Variants in BABAM2 observed in about 807,000 individuals in gnomAD.
BABAM2 encodes BRISC and BRCA1-A complex member 2.
BABAM2 carries 31 observed loss-of-function variants against 54.7 expected under a neutral mutation model. The ratio of observed to expected loss-of-function variants is 0.57; its 90% CI spans 0.43 to 0.77. The LOEUF (loss-of-function observed/expected upper bound fraction) is 0.77, where lower values mean the gene tolerates loss of function less well. Among genes scored for constraint, BABAM2 ranks in the 30% least tolerant of loss-of-function variants. The probability of loss-of-function intolerance (pLI) is 0.00; values close to 1 mark genes in which losing one functional copy is unlikely to be tolerated. For missense variants in BABAM2, 364 were observed against 455.8 expected (o/e 0.80, Z 1.83); for synonymous variants, 167 against 162.9 (o/e 1.03, Z -0.19).
At chr2:27,981,792 G>A (rs907335222) in intron 3 of BABAM2, among the ~76,000 whole-genome samples, 8 of 152,032 alleles carry the variant, frequency 5.3e-5, no homozygotes, top group African/African-American at 1.2e-4. Flanking sequence ...ACTTTTTGGC[G>A]ATTGTGCATA....
chr2:27,953,569 G>A (rs1476962184), intron 3 of BABAM2, among the ~76,000 whole-genome samples: 1 of 151,558 alleles, frequency 6.6e-6, no homozygotes. Flanking sequence ...TGGGATTATA[G>A]GCATGAACCA....
At position 28,112,083 on chromosome 2, in the gene BABAM2, CTCTT is replaced by C. The variant is rs1194065542; in HGVS notation, c.571-17126_571-17123del. 1.7e-4 allele frequency among the ~76,000 whole-genome samples: 17 copies of C among 98,812 alleles called. 1 individual carries two copies. Among genetic ancestry groups the C allele is most frequent in the African/African-American group, 5.0e-4 (14 of 27,916 alleles). The allele number at this position is 98,812 out of a possible 152,430, so 64.8% of individuals were successfully genotyped here. A position where few individuals can be genotyped will look rare whatever the true frequency, so the allele number is the denominator to read the frequency against. On this transcript the variant is annotated intron_variant, in intron 6 of 11. Coordinates refer to ENST00000379624, the MANE Select transcript of BABAM2 (RefSeq NM_199191.3). ...ATACTTTTTCTTGAGATACCCATTA[CTCTT>C]TCTTTCTTTCTTTCTTTCTTTCTTT... is the stretch of plus-strand genomic sequence containing the variant.
At chr2:27,931,287 G>A (rs190926431) in intron 3 of BABAM2, among the ~76,000 whole-genome samples, 7 of 152,136 alleles carry the variant, frequency 4.6e-5, no homozygotes, top group Admixed American at 3.3e-4. Context: ...GGTTAAAAAC[G>A]TAAAAGTACT....
chr2:28,183,752 C>CAT (rs1675916357), intron 7 of BABAM2, among the ~76,000 whole-genome samples: 2 of 151,812 alleles, frequency 1.3e-5, no homozygotes, highest in Middle Eastern at 3.4e-3. Flanking sequence ...CACACACACA[C>CAT]ACACACACAC....
intron 11 of BABAM2, chr2:28,308,046 A>G (rs1688714865): frequency 6.2e-6 from 1 of 162,470 alleles, no homozygotes. Flanking sequence ...AATTCTTAGT[A>G]GGCCTCATAC....
At chr2:28,237,330 T>C (rs1400962622) in intron 8 of BABAM2, 29 bp downstream of exon 8, 2 of 1,578,142 alleles carry the variant, frequency 1.3e-6, no homozygotes, top group South Asian at 2.2e-5. Flanking sequence ...CTCATCCCTC[T>C]TATGAGATTT....
At chr2:27,908,012 T>C (rs1437039699) in intron 2 of BABAM2, among the ~76,000 whole-genome samples, 1 of 152,232 alleles carries the variant, frequency 6.6e-6, no homozygotes, top group Non-Finnish European at 1.5e-5. Flanking sequence ...GTCCCTGTTT[T>C]CAGTTTTTTG....
intron 11 of BABAM2, chr2:28,309,829 T>C: frequency 4.5e-6 from 2 of 446,220 alleles, no homozygotes; most frequent in Non-Finnish European, 4.1e-6. Flanking sequence ...CCAACATAGC[T>C]CGGGTGATCA....
In BABAM2 at chr2:27,988,001, A is replaced by G. The variant is rs926002077; in HGVS notation, c.214A>G (p.Ile72Val). 5 of 1,611,684 alleles carry G rather than the reference A, an allele frequency of 3.1e-6. No homozygotes were observed. The highest frequency in any genetic ancestry group is 2.2e-5 in the East Asian group (1 of 44,858). ...YAGETLKWDI[I>V]FNAQYPELPP... ...ATTTTCTTTTATTTCAGGGGATATCATTTTCAATGCCCAATACCCAGAACT... is the reference window on the plus strand; with the variant it reads ...ATTTTCTTTTATTTCAGGGGATATCGTTTTCAATGCCCAATACCCAGAACT... The change falls in exon 4 of 12, where the codon ATT becomes GTT. Residue 72 changes from isoleucine to valine, a missense_variant. Transcript: ENST00000379624.
chr2:28,241,193 G>T (rs1207749776), intron 8 of BABAM2, 130 bp from the exon 9 acceptor site: 1 of 814,820 alleles, frequency 1.2e-6, no homozygotes, highest in Non-Finnish European at 2.0e-6. Flanking sequence ...CACAGTTGTT[G>T]AATGTAGGTA....
intron 10 of BABAM2, among the ~76,000 whole-genome samples, chr2:28,289,718 A>G (rs1200407120): frequency 6.6e-6 from 1 of 152,096 alleles, no homozygotes; most frequent in Non-Finnish European, 1.5e-5. Context: ...TTGAAGCTGG[A>G]AGGCGGAGGT....
intron 8 of BABAM2, 49 bp downstream of exon 8, chr2:28,237,350 G>C: frequency 6.6e-7 from 1 of 1,520,024 alleles, no homozygotes; most frequent in Non-Finnish European, 9.1e-7. Context: ...TCTTCCTCCA[G>C]TCCACCACGT....
At position 28,333,818 on chromosome 2, in the gene BABAM2, G is replaced by A. The variant is rs77634998; in HGVS notation, c.1089-4632G>A. Among the ~76,000 whole-genome samples, 47 of 152,304 alleles carry A rather than the reference G, an allele frequency of 3.1e-4. 2 individuals carry two copies. In the East Asian group the frequency reaches 8.3e-3, roughly 27 times the overall value. On this transcript the variant is annotated intron_variant, in intron 11 of 11. Coordinates refer to ENST00000379624, the MANE Select transcript of BABAM2 (RefSeq NM_199191.3). ...AAGACTTCACTATCCCCTAGAACACGCTTACACTTTTAAAGCTTACTACAT... is the reference window on the plus strand; with the variant it reads ...AAGACTTCACTATCCCCTAGAACACACTTACACTTTTAAAGCTTACTACAT...
At chr2:28,153,848 A>C (rs962435168) in intron 7 of BABAM2, among the ~76,000 whole-genome samples, 17 of 152,222 alleles carry the variant, frequency 1.1e-4, no homozygotes, top group African/African-American at 3.6e-4. Context: ...GTTACTACCT[A>C]ATTTTCTCCG....
At chr2:28,296,981 C>T (rs1687748480) in intron 10 of BABAM2, among the ~76,000 whole-genome samples, 1 of 152,156 alleles carries the variant, frequency 6.6e-6, no homozygotes, top group Non-Finnish European at 1.5e-5. Context: ...AGCCACTGTG[C>T]CTGGCCTAAT....
At chr2:28,327,364 C>A (rs1482376276) in intron 11 of BABAM2, 1 of 1,613,698 alleles carries the variant, frequency 6.2e-7, no homozygotes. Flanking sequence ...TGCTCCAGCC[C>A]CAGAGGAACT....
At chr2:28,013,218 CAT>C (rs2148536087) in intron 4 of BABAM2, among the ~76,000 whole-genome samples, 1 of 152,242 alleles carries the variant, frequency 6.6e-6, no homozygotes, top group East Asian at 1.9e-4. Flanking sequence ...GGAAACTAGA[CAT>C]GTGAAGTATG....
intron 11 of BABAM2, among the ~76,000 whole-genome samples, chr2:28,328,690 G>A (rs530347939): frequency 3.9e-5 from 6 of 152,298 alleles, no homozygotes; most frequent in South Asian, 4.2e-4. Flanking sequence ...CCACGGGGCC[G>A]GGCTCTAGTG....
chr2:28,253,771 G>C (rs1490789018), intron 10 of BABAM2, among the ~76,000 whole-genome samples: 1 of 152,196 alleles, frequency 6.6e-6, no homozygotes, highest in Non-Finnish European at 1.5e-5. Context: ...GAGATATGGA[G>C]ACTATCTCAT....
Sources: allele counts gnomAD v4.1 joint callset (sites outside exome capture counted in the v4.1 genomes callset), GRCh38; gene constraint gnomAD v4.1.1; transcripts MANE v1.5; gene names NCBI Gene and HGNC (gene_info 2026-07-23, HGNC 2026-07-21).